TBXAS1: variants seen among roughly 807,000 people sequenced by gnomAD.
TBXAS1 encodes thromboxane A synthase 1.
A neutral mutation model predicts 60.7 loss-of-function variants in TBXAS1; 48 were observed. The observed-to-expected ratio is 0.79, with a 90% CI of 0.63 to 1.01. The LOEUF (loss-of-function observed/expected upper bound fraction) is 1.01, where lower values mean the gene tolerates loss of function less well. Ranked by LOEUF, TBXAS1 falls within the 50% of genes least tolerant of loss-of-function variation. The probability of loss-of-function intolerance (pLI) is 0.00; values close to 1 mark genes in which losing one functional copy is unlikely to be tolerated. For missense variants in TBXAS1, 685 were observed against 686.3 expected, an observed-to-expected ratio of 1.00 and a Z score of 0.02; for synonymous variants, 287 against 269.7, an observed-to-expected ratio of 1.06 and a Z score of -0.63.
chr7:139,947,648 C>T (rs1209873623), intron 5 of TBXAS1, among the ~76,000 whole-genome samples: 1 of 152,184 alleles, frequency 6.6e-6, no homozygotes, highest in Non-Finnish European at 1.5e-5. Context: ...ATTTGCTTCC[C>T]AGGGTGGGGA....
At chr7:139,857,134 A>G (rs1415159910) in intron 1 of TBXAS1, among the ~76,000 whole-genome samples, 1 of 152,166 alleles carries the variant, frequency 6.6e-6, no homozygotes, top group East Asian at 1.9e-4. Flanking sequence ...TACAAGTTCT[A>G]GAAGCAAACA....
At chr7:139,817,515 G>A (rs957971747) in intron 4 of TBXAS1, among the ~76,000 whole-genome samples, 6 of 152,126 alleles carry the variant, frequency 3.9e-5, no homozygotes, top group Admixed American at 6.5e-5. Flanking sequence ...GTAAAACCCC[G>A]ATAAGATAAG....
At chr7:139,899,063 C>T (rs919229353) in intron 3 of TBXAS1, among the ~76,000 whole-genome samples, 6 of 151,450 alleles carry the variant, frequency 4.0e-5, no homozygotes, top group East Asian at 1.9e-4. Flanking sequence ...AAACACTGAA[C>T]GTTCAAGGAA....
chr7:139,925,368 T>C (rs1312774929), intron 4 of TBXAS1, among the ~76,000 whole-genome samples: 1 of 152,242 alleles, frequency 6.6e-6, no homozygotes, highest in Non-Finnish European at 1.5e-5. Context: ...ACTTCTTCAG[T>C]AAAGTTAATT....
chr7:139,869,588 C>T (rs1801674148), intron 1 of TBXAS1, among the ~76,000 whole-genome samples: 1 of 152,044 alleles, frequency 6.6e-6, no homozygotes, highest in African/African-American at 2.4e-5. Context: ...GGGGTTTCAC[C>T]ATATGGGCTA....
At chr7:139,853,549 G>A (rs1235621642) in intron 1 of TBXAS1, among the ~76,000 whole-genome samples, 1 of 152,166 alleles carries the variant, frequency 6.6e-6, no homozygotes, top group African/African-American at 2.4e-5. Flanking sequence ...ATGAGCTCAT[G>A]TGTGGGAAGC....
In TBXAS1 at chr7:140,004,010, CTTCT is replaced by C. The variant is rs1332977974; in HGVS notation, c.1135-3075_1135-3072del. Among the ~76,000 whole-genome samples the C allele has an allele frequency of 6.6e-6, 1 of 152,236 alleles. No homozygotes were observed. The highest frequency in any genetic ancestry group is 1.9e-4 in the East Asian group (1 of 5,202). The stretch of plus-strand genomic sequence containing the variant: ...TTTGTTGTATACATCTGATTCATTT[CTTCT>C]TTCTTGAGGCCAACTGCTGTTTTCT... On this transcript the variant is annotated intron_variant, in intron 9 of 12. Transcript: ENST00000448866. The surrounding 1 kb of genome is among the most constrained non-coding windows in gnomAD (Gnocchi z 5.1).
chr7:139,843,749 C>G (rs1799623113), intron 1 of TBXAS1, among the ~76,000 whole-genome samples: 1 of 152,248 alleles, frequency 6.6e-6, no homozygotes, highest in South Asian at 2.1e-4. Context: ...TACATAGTAG[C>G]TGCTCAGTAA....
At chr7:139,908,015 C>A (rs1311960914) in intron 3 of TBXAS1, among the ~76,000 whole-genome samples, 1 of 151,904 alleles carries the variant, frequency 6.6e-6, no homozygotes, top group Non-Finnish European at 1.5e-5. Flanking sequence ...CATTTCATTC[C>A]TGATGTTGGT....
intron 11 of TBXAS1, among the ~76,000 whole-genome samples, 153 bp downstream of exon 11, chr7:140,016,013 A>G (rs906075923): frequency 3.3e-5 from 5 of 152,242 alleles, no homozygotes; most frequent in Non-Finnish European, 7.3e-5. Context: ...TTTGCAAGAC[A>G]TAATTTCCAA....
At chr7:139,930,361 C>T (rs145460394) in intron 4 of TBXAS1, among the ~76,000 whole-genome samples, 231 of 152,322 alleles carry the variant, frequency 1.5e-3, no homozygotes, top group African/African-American at 5.2e-3. Flanking sequence ...TGGCCTAGCA[C>T]ATACCAGGCA....
rs1375408739 is a variant in TBXAS1, at chr7:140,013,039, C to G, written c.1227-2684C>G. On this transcript the variant is annotated intron_variant, in intron 10 of 12. Transcript: ENST00000448866. The surrounding 1 kb of genome is among the most constrained non-coding windows in gnomAD (Gnocchi z 4.2). ...TTGGGCAAGATGAGTGAGCTGAGAT[C>G]GCGCCACTGCACTCCAGCCTGGGCA... is the stretch of plus-strand genomic sequence containing the variant. Among the ~76,000 whole-genome samples the G allele has an allele frequency of 6.7e-6, 1 of 148,792 alleles. No individual in the cohort carries two copies. The highest frequency in any genetic ancestry group is 1.5e-5 in the Non-Finnish European group (1 of 67,654).
chr7:139,981,969 G>A (rs1812011672), intron 9 of TBXAS1, among the ~76,000 whole-genome samples: 1 of 152,300 alleles, frequency 6.6e-6, no homozygotes, highest in African/African-American at 2.4e-5. Flanking sequence ...CAATACAGCT[G>A]TTAATTTATG....
At chr7:139,863,847 T>A (rs1801151292) in intron 1 of TBXAS1, among the ~76,000 whole-genome samples, 1 of 152,080 alleles carries the variant, frequency 6.6e-6, no homozygotes, top group African/African-American at 2.4e-5. Flanking sequence ...TTTCAAAAGA[T>A]AAATAAAATA....
intron 4 of TBXAS1, among the ~76,000 whole-genome samples, chr7:139,791,808 G>T (rs79416498): frequency 0.041 from 2,826 of 69,088 alleles, 68 homozygotes; most frequent in South Asian, 0.095. Context: ...GGAATGTTTT[G>T]TTTTTTTTTT....
chr7:139,908,266 C>T (rs1194370029), intron 3 of TBXAS1, among the ~76,000 whole-genome samples: 6 of 151,934 alleles, frequency 3.9e-5, no homozygotes, highest in Non-Finnish European at 8.8e-5. Flanking sequence ...GATCTTTCCT[C>T]TTTTCTAAAG....
intron 4 of TBXAS1, among the ~76,000 whole-genome samples, chr7:139,793,901 G>T (rs1373543015): frequency 6.6e-6 from 1 of 152,056 alleles, no homozygotes; most frequent in Non-Finnish European, 1.5e-5. Flanking sequence ...TCCCTTTCCT[G>T]ATCAGGGTTC....
intron 4 of TBXAS1, among the ~76,000 whole-genome samples, chr7:139,817,221 C>G (rs534322657): frequency 5.6e-4 from 85 of 152,210 alleles, no homozygotes; most frequent in African/African-American, 2.0e-3. Context: ...TCCCAGCCCC[C>G]CATCAGCTGT....
intron 9 of TBXAS1, among the ~76,000 whole-genome samples, chr7:139,997,863 G>A (rs1813400398): frequency 6.6e-6 from 1 of 152,180 alleles, no homozygotes; most frequent in African/African-American, 2.4e-5. Flanking sequence ...ACCCGGCAGT[G>A]CCATGCCCAG....
Sources: gnomAD v4.1 joint callset for allele counts (sites outside exome capture counted in the v4.1 genomes callset) on GRCh38, gnomAD v4.1.1 for gene constraint, Gnocchi (gnomAD v3.1) non-coding constraint, MANE v1.5 for transcripts, NCBI Gene and HGNC (gene_info 2026-07-23, HGNC 2026-07-21) for gene names.